The following STARD13 variants were observed in gnomAD, a reference collection of about 807,000 sequenced individuals.
The protein encoded by STARD13 is stAR-related lipid transfer protein 13.
In STARD13, 62 loss-of-function variants were observed where a neutral mutation model predicts 106.4. The ratio of observed to expected loss-of-function variants is 0.58; its 90% confidence interval spans 0.48 to 0.72. The LOEUF (loss-of-function observed/expected upper bound fraction) is 0.72, where lower values mean the gene tolerates loss of function less well. Among genes scored for constraint, STARD13 ranks in the 30% least tolerant of loss-of-function variants. The pLI, the probability that STARD13 is intolerant of heterozygous loss-of-function variation, is 0.00. For synonymous variants in STARD13, 565 were observed against 553.0 expected (o/e 1.02, Z -0.31); for missense variants, 1,387 against 1,424.0 (o/e 0.97, Z 0.42).
chr13:33,634,312 C>T, the STARD13 span, among the ~76,000 whole-genome samples: 22 of 152,170 alleles, frequency 1.4e-4, no homozygotes, highest in African/African-American at 4.8e-4. Flanking sequence ...CTTACCCAGC[C>T]TCAGTTACCT....
At chr13:33,504,448 C>T in the STARD13 span, among the ~76,000 whole-genome samples, 4 of 152,148 alleles carry the variant, frequency 2.6e-5, no homozygotes, top group Middle Eastern at 3.4e-3. Flanking sequence ...AGTTCATGTC[C>T]TTTGTAGGGA....
At chr13:33,505,285 A>T in the STARD13 span, among the ~76,000 whole-genome samples, 2 of 152,190 alleles carry the variant, frequency 1.3e-5, no homozygotes, top group Non-Finnish European at 2.9e-5. Context: ...TTGAAGATTC[A>T]TTAGTTGGTA....
At chr13:33,355,997 A>G in the STARD13 span, among the ~76,000 whole-genome samples, 1 of 152,242 alleles carries the variant, frequency 6.6e-6, no homozygotes, top group Non-Finnish European at 1.5e-5. Context: ...TATTTTCCTG[A>G]TGTAGACTGG....
chr13:33,243,521 A>C (rs1391939864), intron 1 of STARD13, among the ~76,000 whole-genome samples: 1 of 152,206 alleles, frequency 6.6e-6, no homozygotes, highest in Non-Finnish European at 1.5e-5. Flanking sequence ...TATGGGTCAT[A>C]GGGATTTTCA....
At chr13:33,654,841 G>A in the STARD13 span, 2 of 152,220 alleles carry the variant, frequency 1.3e-5, no homozygotes, top group Non-Finnish European at 2.9e-5. Context: ...TGACTGAATA[G>A]AAGGAGACTT....
At chr13:33,209,816 A>C (rs997656086) in intron 1 of STARD13, among the ~76,000 whole-genome samples, 8 of 152,048 alleles carry the variant, frequency 5.3e-5, no homozygotes, top group African/African-American at 1.9e-4. Context: ...ACACAAAAAA[A>C]ATAAAAATTA....
the STARD13 span, among the ~76,000 whole-genome samples, chr13:33,663,448 G>C: frequency 6.6e-6 from 1 of 152,040 alleles, no homozygotes; most frequent in South Asian, 2.1e-4. Context: ...CGTGAAAAAA[G>C]TTGAAATAGT....
chr13:33,531,643 T>C, the STARD13 span, among the ~76,000 whole-genome samples: 2 of 152,222 alleles, frequency 1.3e-5, no homozygotes, highest in African/African-American at 2.4e-5. Flanking sequence ...ACCACTGTGT[T>C]GGTCATTGTT....
chr13:33,617,547 G>T, the STARD13 span, among the ~76,000 whole-genome samples: 1 of 152,114 alleles, frequency 6.6e-6, no homozygotes, highest in African/African-American at 2.4e-5. Flanking sequence ...GCTTTGAAAT[G>T]ACTCAAATAA....
the STARD13 span, among the ~76,000 whole-genome samples, chr13:33,394,267 T>C: frequency 3.1e-4 from 47 of 152,284 alleles, no homozygotes; most frequent in Non-Finnish European, 4.1e-4. Flanking sequence ...TCTATAAGCC[T>C]ATGAAAATTC....
chr13:33,289,826 G>T (rs1594225214), upstream of STARD13, among the ~76,000 whole-genome samples: 1 of 152,044 alleles, frequency 6.6e-6, no homozygotes, highest in African/African-American at 2.4e-5. Context: ...GTAACCCATA[G>T]GTGAGGACTA....
intron 1 of STARD13, among the ~76,000 whole-genome samples, chr13:33,232,989 C>T (rs1389426317): frequency 6.6e-6 from 1 of 152,234 alleles, no homozygotes; most frequent in African/African-American, 2.4e-5. Flanking sequence ...TACTTGTTGT[C>T]TCAGTGATTG....
At chr13:33,644,087 G>T in the STARD13 span, among the ~76,000 whole-genome samples, 1 of 152,214 alleles carries the variant, frequency 6.6e-6, no homozygotes, top group Admixed American at 6.5e-5. Flanking sequence ...AAAAGGATGG[G>T]AGCTGAACCT....
intron 3 of STARD13, among the ~76,000 whole-genome samples, chr13:33,149,644 A>C (rs989299928): frequency 6.6e-6 from 1 of 152,226 alleles, no homozygotes; most frequent in South Asian, 2.1e-4. Flanking sequence ...AACTAGGTAC[A>C]TATTCCCATC....
At chr13:33,268,330 C>A (rs541169974) in intron 1 of STARD13, among the ~76,000 whole-genome samples, 2 of 152,312 alleles carry the variant, frequency 1.3e-5, no homozygotes, top group Admixed American at 1.3e-4. Context: ...TTAGCTTCTA[C>A]TTTATGTATT....
chr13:33,482,805 A>G, the STARD13 span, among the ~76,000 whole-genome samples: 2 of 152,240 alleles, frequency 1.3e-5, no homozygotes, highest in African/African-American at 2.4e-5. Context: ...TTAGAATCCA[A>G]CTTGAAGTTT....
intron 1 of STARD13, among the ~76,000 whole-genome samples, chr13:33,204,989 CT>C (rs928178139): frequency 4.6e-5 from 7 of 152,240 alleles, no homozygotes; most frequent in Non-Finnish European, 8.8e-5. Context: ...AAAGGACCTC[CT>C]GTGAGCCCCC....
the STARD13 span, among the ~76,000 whole-genome samples, chr13:33,603,113 C>A: frequency 4.9e-3 from 751 of 152,296 alleles, 6 homozygotes; most frequent in African/African-American, 0.017. Context: ...GCAAAACTCA[C>A]CAGATCACCA....
the STARD13 span, among the ~76,000 whole-genome samples, chr13:33,415,064 A>T: frequency 6.6e-6 from 1 of 152,180 alleles, no homozygotes; most frequent in Non-Finnish European, 1.5e-5. Context: ...AAAACAGATG[A>T]TTGTGAATAA....
Sources: gnomAD v4.1 joint callset for allele counts (sites outside exome capture counted in the v4.1 genomes callset) on GRCh38, gnomAD v4.1.1 for gene constraint, MANE v1.5 for transcripts, NCBI Gene and HGNC (gene_info 2026-07-23, HGNC 2026-07-21) for gene names.